The following MORN1 variants were observed in gnomAD, a reference collection of about 807,000 sequenced individuals.
MORN1 encodes the protein MORN repeat containing 1, also known as MORN repeat-containing protein 1.
Under a neutral mutation model 61.9 loss-of-function variants are expected in MORN1, and 67 were observed. The observed-to-expected ratio is 1.08, with a 90% CI of 0.89 to 1.33. The LOEUF is 1.33. Among genes scored for constraint, MORN1 ranks in the 40% most tolerant of loss-of-function variants. The pLI is 0.00. For missense variants in MORN1, 752 were observed against 691.2 expected (o/e 1.09, Z -0.99); for synonymous variants, 301 against 292.0 (o/e 1.03, Z -0.31).
chr1:2,355,482 C>T lies in MORN1; in HGVS notation c.1036+1950G>A, dbSNP rs959708104. Reference sequence around the variant, plus strand: ...TGAGCTCCCTGCAAGCACAGACCCCCGAGGCTCTGAGGCTCTGGGGCTTCT... The same window carrying T: ...TGAGCTCCCTGCAAGCACAGACCCCTGAGGCTCTGAGGCTCTGGGGCTTCT... On this transcript the variant is annotated intron_variant, in intron 10 of 13. Transcript: ENST00000378531. 5.2e-5 allele frequency: 81 copies of T among 1,550,220 alleles called. 1 individual carries two copies. The highest frequency in any genetic ancestry group is 3.3e-4 in the Middle Eastern group (2 of 5,986).
intron 10 of MORN1, among the ~76,000 whole-genome samples, chr1:2,341,606 G>A (rs572951448): frequency 2.0e-5 from 3 of 151,630 alleles, no homozygotes; most frequent in Admixed American, 6.6e-5. Context: ...CACGAGAATC[G>A]CTTGAACACG....
At position 2,388,296 on chromosome 1, in the gene MORN1, C is replaced by T. The variant is rs1361604039; in HGVS notation, c.190G>A (p.Gly64Arg). 9.9e-6 allele frequency: 16 copies of T among 1,613,920 alleles called. No homozygotes were observed. The highest frequency in any genetic ancestry group is 1.3e-5 in the Non-Finnish European group (15 of 1,180,020). Residue 64 changes from glycine (G) to arginine (R), a missense_variant, in exon 3 of 14, where the codon GGG (glycine) becomes AGG (arginine). By Grantham distance (125) the Gly-to-Arg change is moderately radical. Coordinates refer to ENST00000378531, the MANE Select transcript of MORN1 (RefSeq NM_024848.3). ...LLFKDGSYYE[G>R]AFVDGEITGE... ...GTGATCTCTCCGTCCACAAACGCCC[C>T]TTCGTAATAACTGCCATCTTTAAAT... is the stretch of plus-strand genomic sequence containing the variant.
Position 2,336,543 on chromosome 1 carries a change from T to G in MORN1, c.1176A>C (p.Ala392=). 6.2e-7 allele frequency: 1 copy of G among 1,612,740 alleles called. No individual in the cohort carries two copies. The highest frequency in any genetic ancestry group is 1.1e-5 in the South Asian group (1 of 91,072). ...FLFLDSLHKK[A]GGRSRGGLHP... ...GCAGGCCGCCTCTGGATCTGCCGCC[T>G]GCCTTCTAGAAAGATTGGGCAGGAG... Residue 392 remains alanine, a synonymous_variant, in exon 12 of 14, where the codon GCA becomes GCC. Transcript: ENST00000378531.
rs186980960 is a variant in MORN1 at position 2,386,379 on chromosome 1, T to A, written c.359-482A>T. 1.9e-4 allele frequency: 30 copies of A among 157,532 alleles called. 1 individual carries two copies. The highest frequency in any genetic ancestry group is 1.6e-3 in the Admixed American group (26 of 15,984). The allele number at this position is 157,532 out of a possible 1,614,324, so 9.8% of individuals were successfully genotyped here. A position where few individuals can be genotyped will look rare whatever the true frequency, so the allele number is the denominator to read the frequency against. On this transcript the variant is annotated intron_variant, in intron 4 of 13. Coordinates refer to ENST00000378531, the MANE Select transcript of MORN1 (RefSeq NM_024848.3). ...TTCGTAAACTGCGGCATTTTCAGAT[T>A]TTGGACAACTCAGAAATTTGAGAGT...
At position 2,357,653 on chromosome 1, in the gene MORN1, C is replaced by A; in HGVS notation, c.870-55G>T. Reference sequence around the variant, plus strand: ...ACTCACCCCACACCAAACTAGGGTGCAGGCAGACAGCGTGGCCCACGCCCT... The same window carrying A: ...ACTCACCCCACACCAAACTAGGGTGAAGGCAGACAGCGTGGCCCACGCCCT... On this transcript the variant is annotated intron_variant, in intron 9 of 13. Transcript: ENST00000378531. The surrounding 1 kb of genome is among the most constrained non-coding windows in gnomAD (Gnocchi z 6.3). The A allele has an allele frequency of 6.6e-7, 1 of 1,523,604 alleles. No homozygotes were observed. The highest frequency in any genetic ancestry group is 8.8e-7 in the Non-Finnish European group (1 of 1,131,152). The allele number at this position is 1,523,604 out of a possible 1,614,324, so 94.4% of individuals were successfully genotyped here. A position where few individuals can be genotyped will look rare whatever the true frequency, so the allele number is the denominator to read the frequency against.
chr1:2,383,543 A>G (rs1345285663), intron 6 of MORN1, among the ~76,000 whole-genome samples: 1 of 152,194 alleles, frequency 6.6e-6, no homozygotes, highest in Non-Finnish European at 1.5e-5. Flanking sequence ...TGACATTGTA[A>G]TTCTGCGACC....
At chr1:2,373,298 C>T (rs2100339673) in intron 7 of MORN1, among the ~76,000 whole-genome samples, 1 of 152,296 alleles carries the variant, frequency 6.6e-6, no homozygotes, top group East Asian at 1.9e-4. Flanking sequence ...GTGCCCCGGA[C>T]TTCATGGTAA....
intron 8 of MORN1, among the ~76,000 whole-genome samples, chr1:2,369,072 C>T (rs1252521455): frequency 1.2e-4 from 17 of 143,002 alleles, no homozygotes; most frequent in Admixed American, 4.2e-4. Flanking sequence ...AAAAAAAAGG[C>T]GGGGGGCAGT....
intron 6 of MORN1, among the ~76,000 whole-genome samples, chr1:2,382,774 C>A (rs1286604116): frequency 3.9e-5 from 6 of 152,184 alleles, no homozygotes; most frequent in Admixed American, 3.9e-4. Context: ...AGCACCAGCC[C>A]AGGCCAGCAG....
intron 12 of MORN1, among the ~76,000 whole-genome samples, chr1:2,329,219 C>T (rs180803821): frequency 1.3e-5 from 2 of 152,334 alleles, no homozygotes; most frequent in African/African-American, 4.8e-5. Context: ...TATCATTCCA[C>T]ATCCCCGCTG....
At chr1:2,390,665 G>A (rs755204311) in intron 1 of MORN1, 1 of 985,398 alleles carries the variant, frequency 1.0e-6, no homozygotes, top group Non-Finnish European at 1.2e-6. Context: ...TCAGGGTCAG[G>A]TTCTACCTGA....
intron 10 of MORN1, chr1:2,355,230 A>G: frequency 1.4e-6 from 2 of 1,406,738 alleles, no homozygotes; most frequent in Non-Finnish European, 1.9e-6. Context: ...TGCGGTGTGG[A>G]ACTGCTTCTA....
chr1:2,324,169 C>T (rs780374597), intron 12 of MORN1, 26 bp from the exon 13 acceptor site: 34 of 1,584,396 alleles, frequency 2.1e-5, no homozygotes, highest in Non-Finnish European at 2.7e-5. Context: ...AGTGAGGCCC[C>T]TGAATGCCCT....
At chr1:2,335,112 C>A (rs921722582) in intron 12 of MORN1, among the ~76,000 whole-genome samples, 1 of 152,234 alleles carries the variant, frequency 6.6e-6, no homozygotes, top group Admixed American at 6.5e-5. Context: ...TGACTCAGAG[C>A]CGGACAGAGG....
At chr1:2,333,355 C>T (rs913028629) in intron 12 of MORN1, among the ~76,000 whole-genome samples, 1 of 152,210 alleles carries the variant, frequency 6.6e-6, no homozygotes, top group African/African-American at 2.4e-5. Flanking sequence ...AAGCCTCCTC[C>T]CCATTATGGA....
At chr1:2,322,663 G>A in intron 13 of MORN1, 1 of 985,486 alleles carries the variant, frequency 1.0e-6, no homozygotes, top group Non-Finnish European at 1.2e-6. Flanking sequence ...TCCCTGGCGG[G>A]CGGAGGAAGA....
At position 2,385,021 on chromosome 1, in the gene MORN1, T is replaced by A; in HGVS notation, c.494A>T (p.Gln165Leu). 1 of 1,599,036 alleles carries A rather than the reference T, an allele frequency of 6.3e-7. No homozygotes were observed. Among genetic ancestry groups the A allele is most frequent in the Non-Finnish European group, 8.5e-7 (1 of 1,174,424 alleles). ...YDGDWVRDRR[Q>L]GHGVLRCADG... ...GGCGCAGCGCAGCACCCCGTGTCCCTGACGCCGGTCCCGGACCCAGTCGCC... is the reference window on the plus strand; with the variant it reads ...GGCGCAGCGCAGCACCCCGTGTCCCAGACGCCGGTCCCGGACCCAGTCGCC... The change falls in exon 6 of 14, where the codon CAG becomes CTG. Residue 165 changes from glutamine to leucine, a missense_variant. Transcript: ENST00000378531.
intron 3 of MORN1, 84 bp downstream of exon 3, chr1:2,388,155 C>T: frequency 3.7e-6 from 4 of 1,068,940 alleles, no homozygotes; most frequent in Admixed American, 1.7e-5. Context: ...ACACGTCACG[C>T]CTTCTGCATC....
Position 2,372,583 on chromosome 1 carries a change from T to C in MORN1, c.643A>G (p.Thr215Ala), listed in dbSNP as rs1352403500. ...TCCGGACCCAAGATCACGATCCTCGTAGCTTGTTCTGGGAGAGGACAGAGT... is the reference window on the plus strand; with the variant it reads ...TCCGGACCCAAGATCACGATCCTCGCAGCTTGTTCTGGGAGAGGACAGAGT... ...WINGHPAEQA[T>A]RIVILGPEVM... is the part of the protein sequence containing the mutation. Residue 215 changes from threonine (T) to alanine (A), a missense_variant, in exon 8 of 14, where the codon ACG becomes GCG. By Grantham distance (58) the Thr-to-Ala change is moderately conservative (BLOSUM62 0). Transcript: ENST00000378531. This position sits in a 1 kb window ranked among gnomAD's most constrained non-coding sequence, Gnocchi z 5.4. 3.1e-6 allele frequency: 5 copies of C among 1,612,624 alleles called. No individual in the cohort carries two copies. Among genetic ancestry groups the C allele is most frequent in the Non-Finnish European group, 4.2e-6 (5 of 1,179,466 alleles).
Sources: allele counts gnomAD v4.1 joint callset (sites outside exome capture counted in the v4.1 genomes callset), GRCh38; gene constraint gnomAD v4.1.1; non-coding constraint Gnocchi (gnomAD v3.1); transcripts MANE v1.5; gene names NCBI Gene and HGNC (gene_info 2026-07-23, HGNC 2026-07-21).